Variants in PARD3B observed in about 807,000 individuals in gnomAD.
The protein encoded by PARD3B is par-3 family cell polarity regulator beta, also known as partitioning defective 3 homolog B.
Under a neutral mutation model 130.2 loss-of-function variants are expected in PARD3B, and 103 were observed. The observed-to-expected ratio is 0.79, with a 90% CI of 0.67 to 0.93. The LOEUF (loss-of-function observed/expected upper bound fraction) is 0.93, where lower values mean the gene tolerates loss of function less well. Among genes scored for constraint, PARD3B ranks in the 40% least tolerant of loss-of-function variants. The pLI is 0.00. For missense variants in PARD3B, 1,609 were observed against 1,499.2 expected (o/e 1.07, Z -1.21); for synonymous variants, 583 against 553.2 (o/e 1.05, Z -0.76).
At chr2:204,587,758 T>C (rs2032892213) in intron 1 of PARD3B, among the ~76,000 whole-genome samples, 1 of 152,164 alleles carries the variant, frequency 6.6e-6, no homozygotes, top group Non-Finnish European at 1.5e-5. Flanking sequence ...CATCCTGAAC[T>C]ATAGTTCCCA....
intron 11 of PARD3B, among the ~76,000 whole-genome samples, chr2:205,170,308 TTCTTGTTTGGCCTTTCCTGTAAATC>T (rs1464204125): frequency 1.4e-4 from 22 of 152,202 alleles, no homozygotes; most frequent in African/African-American, 5.3e-4. Flanking sequence ...AGAGATTTCT[TTCTTGTTTGGCCTTTCCTGTAAATC>T]TCATTTCCAG....
chr2:204,690,278 A>C (rs1268848392), intron 2 of PARD3B, among the ~76,000 whole-genome samples: 1 of 152,200 alleles, frequency 6.6e-6, no homozygotes, highest in Non-Finnish European at 1.5e-5. Context: ...CACCAACTAT[A>C]GACTGTGCTG....
intron 2 of PARD3B, among the ~76,000 whole-genome samples, chr2:204,940,271 C>G (rs915829175): frequency 2.6e-5 from 4 of 152,102 alleles, no homozygotes; most frequent in African/African-American, 9.7e-5. Context: ...ATTTCATGTT[C>G]ATCTAAAATA....
chr2:205,320,868 A>G lies in PARD3B; in HGVS notation c.2630+19167A>G, dbSNP rs1411796676. On this transcript the variant is annotated intron_variant, in intron 18 of 22. Transcript: ENST00000406610. ...TAACTTGTTCCTTTATTTTGCTGAT[A>G]TACATACACTGGGGGAAAGCTGCCT... Among the ~76,000 whole-genome samples, 3 of 152,208 alleles carry G rather than the reference A, an allele frequency of 2.0e-5. No individual in the cohort carries two copies. In the East Asian group the frequency reaches 5.8e-4, roughly 29 times the overall value.
chr2:205,413,119 G>A (rs1441705160), intron 19 of PARD3B, among the ~76,000 whole-genome samples: 1 of 152,062 alleles, frequency 6.6e-6, no homozygotes, highest in African/African-American at 2.4e-5. Context: ...CTGTGTGATG[G>A]TGCATGTTCT....
At chr2:204,630,117 A>G (rs1223428053) in intron 1 of PARD3B, among the ~76,000 whole-genome samples, 1 of 152,254 alleles carries the variant, frequency 6.6e-6, no homozygotes, top group Non-Finnish European at 1.5e-5. Flanking sequence ...GATGATATAA[A>G]CTATACAAAC....
intron 2 of PARD3B, among the ~76,000 whole-genome samples, chr2:204,880,691 A>C (rs1429308967): frequency 2.7e-5 from 4 of 150,332 alleles, no homozygotes; most frequent in Non-Finnish European, 5.9e-5. Context: ...AATACAGCAG[A>C]GTATGCAGAA....
intron 18 of PARD3B, among the ~76,000 whole-genome samples, chr2:205,318,690 G>C (rs1165538423): frequency 6.6e-6 from 1 of 152,034 alleles, no homozygotes; most frequent in African/African-American, 2.4e-5. Flanking sequence ...ACGAGCAAAG[G>C]TGCCAAAGAA....
chr2:205,401,865 A>T (rs1231941280), intron 19 of PARD3B, among the ~76,000 whole-genome samples: 1 of 152,228 alleles, frequency 6.6e-6, no homozygotes, highest in Non-Finnish European at 1.5e-5. Flanking sequence ...GACTGAGATT[A>T]TGACAAAACC....
In PARD3B at chr2:205,453,887, T is replaced by C. The variant is rs190306356; in HGVS notation, c.3044+13215T>C. ...GTATTGGCACATGATGCAAAATGCA[T>C]TTCTCAGAGTAGATTGCAGTCAAAA... On this transcript the variant is annotated intron_variant, in intron 20 of 22. Transcript: ENST00000406610. Among the ~76,000 whole-genome samples, 281 of 152,260 alleles carry C rather than the reference T, an allele frequency of 1.8e-3. 1 individual carries two copies. The highest frequency in any genetic ancestry group is 4.0e-3 in the African/African-American group (167 of 41,560).
intron 16 of PARD3B, among the ~76,000 whole-genome samples, chr2:205,254,640 T>G (rs1393399732): frequency 6.6e-6 from 1 of 151,832 alleles, no homozygotes; most frequent in Non-Finnish European, 1.5e-5. Context: ...TCCAGTAATG[T>G]GATGAATTTC....
At chr2:204,740,113 G>A (rs1018324344) in intron 2 of PARD3B, among the ~76,000 whole-genome samples, 13 of 151,648 alleles carry the variant, frequency 8.6e-5, no homozygotes, top group Admixed American at 5.9e-4. Flanking sequence ...TCCCAGGTTC[G>A]AGTGATTCTA....
chr2:205,367,995 G>A (rs906119518), intron 18 of PARD3B, among the ~76,000 whole-genome samples: 10 of 152,084 alleles, frequency 6.6e-5, no homozygotes, highest in Admixed American at 1.3e-4. Flanking sequence ...ATTTATTTAC[G>A]TTAGCAAAAA....
chr2:204,983,445 G>A (rs1416263378), intron 3 of PARD3B, among the ~76,000 whole-genome samples: 2 of 151,580 alleles, frequency 1.3e-5, no homozygotes, highest in Admixed American at 1.3e-4. Flanking sequence ...GTCAGTTTAA[G>A]GAAAGTTAGA....
chr2:205,185,559 A>G (rs747068920), intron 13 of PARD3B, among the ~76,000 whole-genome samples: 1 of 152,150 alleles, frequency 6.6e-6, no homozygotes, highest in Non-Finnish European at 1.5e-5. Context: ...TCACCAGTGT[A>G]AAAACATATT....
chr2:205,049,542 G>C (rs962093223), intron 4 of PARD3B, among the ~76,000 whole-genome samples: 1 of 152,032 alleles, frequency 6.6e-6, no homozygotes, highest in African/African-American at 2.4e-5. Context: ...AACCATATCG[G>C]TCCTCCAATG....
chr2:205,295,654 C>A (rs935749186), intron 16 of PARD3B, among the ~76,000 whole-genome samples: 1 of 152,120 alleles, frequency 6.6e-6, no homozygotes, highest in Admixed American at 6.5e-5. Context: ...GAAGCAATTT[C>A]ATCAATAATG....
At chr2:205,186,296 C>G (rs1399678810) in intron 14 of PARD3B, among the ~76,000 whole-genome samples, 1 of 151,976 alleles carries the variant, frequency 6.6e-6, no homozygotes, top group Non-Finnish European at 1.5e-5. Flanking sequence ...AAAATTAAAG[C>G]AACACCATAT....
intron 19 of PARD3B, among the ~76,000 whole-genome samples, chr2:205,428,831 A>G (rs2047232503): frequency 6.6e-6 from 1 of 152,126 alleles, no homozygotes; most frequent in African/African-American, 2.4e-5. Flanking sequence ...AACTCTATTC[A>G]GAGAAAAGGC....
Sources: gnomAD v4.1 joint callset for allele counts (sites outside exome capture counted in the v4.1 genomes callset) on GRCh38, gnomAD v4.1.1 for gene constraint, MANE v1.5 for transcripts, NCBI Gene and HGNC (gene_info 2026-07-23, HGNC 2026-07-21) for gene names.